IL17B: variants seen among roughly 807,000 people sequenced by gnomAD.
IL17B encodes interleukin-17B.
Under a neutral mutation model 14.7 loss-of-function variants are expected in IL17B, and 14 were observed. The observed-to-expected ratio is 0.95, with a 90% CI of 0.63 to 1.49. The LOEUF is 1.49. Among genes scored for constraint, IL17B ranks in the 40% most tolerant of loss-of-function variants. IL17B has a pLI of 0.00. For missense variants in IL17B, 233 were observed against 252.8 expected (o/e 0.92, Z 0.53); for synonymous variants, 105 against 94.8 (o/e 1.11, Z -0.62).
chr5:149,392,823 G>A (rs575692703), intron 1 of IL17B, among the ~76,000 whole-genome samples: 20 of 152,304 alleles, frequency 1.3e-4, no homozygotes, highest in South Asian at 8.3e-4. Context: ...GGGCCCAAGA[G>A]GCCTTACCTT....
intron 1 of IL17B, among the ~76,000 whole-genome samples, chr5:149,398,459 G>A (rs1358325533): frequency 6.6e-6 from 1 of 152,194 alleles, no homozygotes. Flanking sequence ...ACACTCATAC[G>A]TTTTTGAGAA....
At chr5:149,378,229 G>A (rs753175487) in intron 1 of IL17B, among the ~76,000 whole-genome samples, 2 of 152,172 alleles carry the variant, frequency 1.3e-5, no homozygotes, top group Non-Finnish European at 2.9e-5. Context: ...TGAAGCTGGG[G>A]AGATGGGCAA....
At chr5:149,401,828 C>G (rs568609189) in intron 1 of IL17B, among the ~76,000 whole-genome samples, 3 of 152,142 alleles carry the variant, frequency 2.0e-5, no homozygotes, top group Non-Finnish European at 2.9e-5. Flanking sequence ...AAATCAAATA[C>G]AGAAAACTAT....
chr5:149,383,829 A>G (rs1413806975), upstream of IL17B, among the ~76,000 whole-genome samples: 4 of 152,212 alleles, frequency 2.6e-5, no homozygotes, highest in Non-Finnish European at 5.9e-5. Context: ...CACAGGGGGA[A>G]GTCAAAGAAA....
intron 1 of IL17B, among the ~76,000 whole-genome samples, chr5:149,387,379 T>C (rs976476104): frequency 1.3e-5 from 2 of 152,138 alleles, no homozygotes; most frequent in Non-Finnish European, 2.9e-5. Context: ...TTTATGGCTG[T>C]GGGAGATGGA....
chr5:149,379,157 T>C (rs766612913), intron 1 of IL17B, 48 bp downstream of exon 1: 5 of 1,612,220 alleles, frequency 3.1e-6, no homozygotes, highest in South Asian at 1.1e-5. Context: ...ACTGACATAT[T>C]TGGGCTCTTA....
At chr5:149,375,039 T>G in intron 2 of IL17B, 1 of 159,920 alleles carries the variant, frequency 6.3e-6, no homozygotes, top group Non-Finnish European at 1.4e-5. Context: ...GGCCTCCCTC[T>G]GCCTGCCCCA....
chr5:149,393,685 CT>C (rs899775247), intron 1 of IL17B, among the ~76,000 whole-genome samples: 8 of 151,996 alleles, frequency 5.3e-5, no homozygotes, highest in South Asian at 2.1e-4. Context: ...TTCCTTCCTT[CT>C]TTTTTTTCTT....
At chr5:149,390,924 T>C (rs1160447990) in intron 1 of IL17B, among the ~76,000 whole-genome samples, 1 of 152,104 alleles carries the variant, frequency 6.6e-6, no homozygotes, top group African/African-American at 2.4e-5. Context: ...TCAAAAAGGG[T>C]TGGGACCCCT....
chr5:149,397,945 T>G (rs115387090), intron 1 of IL17B, among the ~76,000 whole-genome samples: 231 of 152,306 alleles, frequency 1.5e-3, no homozygotes, highest in African/African-American at 5.4e-3. Flanking sequence ...CCCTGCCTAT[T>G]AGATGATGCC....
intron 1 of IL17B, among the ~76,000 whole-genome samples, chr5:149,402,383 G>C (rs958778628): frequency 6.6e-6 from 1 of 152,062 alleles, no homozygotes; most frequent in African/African-American, 2.4e-5. Flanking sequence ...CTACACCATT[G>C]TTCCCCTTCC....
In IL17B at chr5:149,403,037, GT is replaced by G. The variant is rs1339233547; in HGVS notation, n.95+1070del. Among the ~76,000 whole-genome samples the G allele has an allele frequency of 2.7e-5, 4 of 148,002 alleles. No homozygotes were observed. In the East Asian group the frequency reaches 7.8e-4, roughly 29 times the overall value. On this transcript the variant is annotated intron_variant and non_coding_transcript_variant, in intron 1 of 2. Transcript: ENST00000505432. The stretch of plus-strand genomic sequence containing the variant: ...AAAAAAAAAAAAAACTCAATAGCAA[GT>G]TGTAGACAGTTTTTTGTTTGTTTTG...
intron 1 of IL17B, among the ~76,000 whole-genome samples, chr5:149,394,868 C>CT (rs1056671010): frequency 6.6e-6 from 1 of 151,958 alleles, no homozygotes; most frequent in Non-Finnish European, 1.5e-5. Context: ...ATGTTCCCAT[C>CT]TTTTTTTTAA....
chr5:149,376,491 C>T (rs560627670), intron 2 of IL17B, among the ~76,000 whole-genome samples: 1 of 152,368 alleles, frequency 6.6e-6, no homozygotes, highest in South Asian at 2.1e-4. Flanking sequence ...GGGCAGTGCT[C>T]TGCATGGATA....
chr5:149,403,695 T>C (rs1244790134), intron 1 of IL17B, among the ~76,000 whole-genome samples: 1 of 151,944 alleles, frequency 6.6e-6, no homozygotes, highest in East Asian at 1.9e-4. Context: ...ACAGAAAGGG[T>C]GAAGTGAAGC....
chr5:149,388,194 C>T (rs556756834), intron 1 of IL17B, among the ~76,000 whole-genome samples: 1 of 152,338 alleles, frequency 6.6e-6, no homozygotes, highest in South Asian at 2.1e-4. Context: ...GGAGAGAATT[C>T]AGGGGTCAGG....
chr5:149,382,686 G>T (rs987101569), upstream of IL17B, among the ~76,000 whole-genome samples: 5 of 152,238 alleles, frequency 3.3e-5, no homozygotes, highest in African/African-American at 1.2e-4. Context: ...GCAGCCAGGG[G>T]TGGAGGGGGA....
Position 149,374,607 on chromosome 5 carries a change from G to A in IL17B, c.312-7C>T, listed in dbSNP as rs1758474243. The stretch of plus-strand genomic sequence containing the variant: ...GCTGGGGTCGTGGTTGATGCTGCAG[G>A]GAGCAGAAGAAAGAGCAGAGCGGAA... On this transcript the variant is annotated splice_region_variant and splice_polypyrimidine_tract_variant and intron_variant, in intron 2 of 2. Transcript: ENST00000261796. This position sits in a 1 kb window ranked among gnomAD's most constrained non-coding sequence, Gnocchi z 5.0. 1 of 1,603,876 alleles carries A rather than the reference G, an allele frequency of 6.2e-7. No homozygotes were observed. Among genetic ancestry groups the A allele is most frequent in the South Asian group, 1.1e-5 (1 of 90,772 alleles).
chr5:149,374,543 A>G lies in IL17B; in HGVS notation c.369T>C (p.Cys123=). 1 of 1,613,232 alleles carries G rather than the reference A, an allele frequency of 6.2e-7. No homozygotes were observed. Among genetic ancestry groups the G allele is most frequent in the Non-Finnish European group, 8.5e-7 (1 of 1,179,870 alleles). The change falls in exon 3 of 3, where the codon TGT becomes TGC. Residue 123 remains cysteine, a synonymous_variant. Transcript: ENST00000261796. This position sits in a 1 kb window ranked among gnomAD's most constrained non-coding sequence, Gnocchi z 5.0. ...PVDLPEARCL[C]LGCVNPFTMQ... is the part of the protein sequence containing the mutation. ...TGGTGAAGGGGTTCACACAGCCCAG[A>G]CACAGGCACCGTGCCTCCGGCAGGT...
Sources: gnomAD v4.1 joint callset for allele counts (sites outside exome capture counted in the v4.1 genomes callset) on GRCh38, gnomAD v4.1.1 for gene constraint, Gnocchi (gnomAD v3.1) non-coding constraint, MANE v1.5 for transcripts, NCBI Gene and HGNC (gene_info 2026-07-23, HGNC 2026-07-21) for gene names.